EIF5B: variants seen among roughly 807,000 people sequenced by gnomAD.
EIF5B encodes the protein eukaryotic translation initiation factor 5B, also known as eIF-5B.
EIF5B carries 47 observed loss-of-function variants against 147.5 expected under a neutral mutation model. The ratio of observed to expected loss-of-function variants is 0.32; its 90% CI spans 0.25 to 0.41. EIF5B has a LOEUF of 0.41. EIF5B is among the 10% of genes least tolerant of loss of function. The probability of loss-of-function intolerance (pLI) is 1.00; values close to 1 mark genes in which losing one functional copy is unlikely to be tolerated. For synonymous variants in EIF5B, 455 were observed against 456.2 expected (o/e 1.00, Z 0.03); for missense variants, 1,064 against 1,413.2 (o/e 0.75, Z 3.96).
At chr2:99,394,610 G>T in intron 20 of EIF5B, 25 bp downstream of exon 20, 2 of 1,613,766 alleles carry the variant, frequency 1.2e-6, no homozygotes, top group Non-Finnish European at 1.7e-6. Flanking sequence ...TTGCTATGAA[G>T]GCTTTCATGT....
chr2:99,370,949 A>G, intron 8 of EIF5B, among the ~76,000 whole-genome samples: 1 of 152,224 alleles, frequency 6.6e-6, no homozygotes, highest in East Asian at 1.9e-4. Context: ...TTAAAAGCAA[A>G]ATAATAAATT....
intron 1 of EIF5B, among the ~76,000 whole-genome samples, chr2:99,351,500 G>GGGTC (rs1437564422): frequency 6.6e-6 from 1 of 152,100 alleles, no homozygotes; most frequent in Non-Finnish European, 1.5e-5. Context: ...TGGGATTGCT[G>GGGTC]GGTCGTATGG....
rs1320272466 is a variant in EIF5B, at chr2:99,398,814, G to T, written c.3460G>T (p.Gly1154Ter). The change falls in exon 23 of 24, where the codon GGA becomes TGA. Residue 1154 changes from glycine to a stop codon, truncating the protein, a stop_gained. Transcript: ENST00000289371. LOFTEE classifies it high-confidence loss of function. ...TAAACAAGTGGATGTTGCAAAAAAAGGACAAGAAGTTTGTGTAAAAATAGA... is the reference window on the plus strand; with the variant it reads ...TAAACAAGTGGATGTTGCAAAAAAATGACAAGAAGTTTGTGTAAAAATAGA... Reference protein sequence around the residue: ...NHKQVDVAKKGQEVCVKIEPI... With the variant: ...NHKQVDVAKK 1 of 1,614,052 alleles carries T rather than the reference G, an allele frequency of 6.2e-7. No individual in the cohort carries two copies.
Position 99,337,446 on chromosome 2 carries a change from G to T in EIF5B, c.-109G>T. ...CTGTGGAGAGCCGGGTGCGAGCGGC[G>T]GCAGCACGAGGGGAAAAGAGCTGAG... On this transcript the variant is annotated 5_prime_UTR_variant, in exon 1 of 24. Coordinates refer to ENST00000289371, the MANE Select transcript of EIF5B (RefSeq NM_015904.4). 1.4e-6 allele frequency: 2 copies of T among 1,413,728 alleles called. No homozygotes were observed. The highest frequency in any genetic ancestry group is 2.0e-6 in the Non-Finnish European group (2 of 1,021,616). The allele number at this position is 1,413,728 out of a possible 1,614,324, so 87.6% of individuals were successfully genotyped here. A position where few individuals can be genotyped will look rare whatever the true frequency, so the allele number is the denominator to read the frequency against.
At chr2:99,386,112 C>A (rs1388336624) in intron 14 of EIF5B, among the ~76,000 whole-genome samples, 1 of 152,122 alleles carries the variant, frequency 6.6e-6, no homozygotes, top group Non-Finnish European at 1.5e-5. Flanking sequence ...TGCACTTTAT[C>A]CATTTATCTG....
At chr2:99,385,910 G>A (rs553356505) in intron 14 of EIF5B, among the ~76,000 whole-genome samples, 2 of 152,190 alleles carry the variant, frequency 1.3e-5, no homozygotes, top group African/African-American at 4.8e-5. Context: ...AGCTAGTATT[G>A]ATCTTTCTGT....
intron 6 of EIF5B, 51 bp downstream of exon 6, chr2:99,364,472 G>T (rs1222959644): frequency 6.8e-7 from 1 of 1,474,060 alleles, no homozygotes; most frequent in South Asian, 1.5e-5. Flanking sequence ...TGCACATGCA[G>T]TTATATCCCT....
Position 99,401,246 on chromosome 2 carries a change from T to C in EIF5B, c.*1832T>C, listed in dbSNP as rs1294810159. On this transcript the variant is annotated 3_prime_UTR_variant, in exon 24 of 24. Coordinates refer to ENST00000289371, the MANE Select transcript of EIF5B (RefSeq NM_015904.4). The stretch of plus-strand genomic sequence containing the variant: ...ATCAGGCTCTCTGGTAATATTTATG[T>C]AACTTTTAATGTGCTTCCATAAGTT... 2 of 1,596,044 alleles carry C rather than the reference T, an allele frequency of 1.3e-6. No individual in the cohort carries two copies. Among genetic ancestry groups the C allele is most frequent in the Non-Finnish European group, 1.7e-6 (2 of 1,163,780 alleles).
At chr2:99,342,938 T>G (rs767435853) in intron 1 of EIF5B, among the ~76,000 whole-genome samples, 1 of 151,440 alleles carries the variant, frequency 6.6e-6, no homozygotes, top group Non-Finnish European at 1.5e-5. Flanking sequence ...CTGGCCTGGG[T>G]TGTCTTTTTC....
chr2:99,351,664 G>C (rs1673965336), intron 1 of EIF5B, among the ~76,000 whole-genome samples: 1 of 151,900 alleles, frequency 6.6e-6, no homozygotes, highest in Non-Finnish European at 1.5e-5. Flanking sequence ...ATTTCTAGTG[G>C]CTGTGTAGTG....
intron 1 of EIF5B, among the ~76,000 whole-genome samples, chr2:99,357,696 A>G (rs1404251406): frequency 6.6e-6 from 1 of 152,152 alleles, no homozygotes; most frequent in African/African-American, 2.4e-5. Flanking sequence ...ATTTTTGGAA[A>G]TGAGATGCCA....
At chr2:99,392,663 T>C (rs1314778739) in intron 17 of EIF5B, among the ~76,000 whole-genome samples, 1 of 152,220 alleles carries the variant, frequency 6.6e-6, no homozygotes, top group African/African-American at 2.4e-5. Context: ...CTTCGTGAGA[T>C]GTACATTTTT....
At chr2:99,352,937 C>A (rs1368757560) in intron 1 of EIF5B, among the ~76,000 whole-genome samples, 1 of 151,352 alleles carries the variant, frequency 6.6e-6, no homozygotes, top group Non-Finnish European at 1.5e-5. Context: ...ATCCTCTCAC[C>A]CTAGCCATTG....
intron 1 of EIF5B, among the ~76,000 whole-genome samples, chr2:99,352,985 GCTAATTTTTT>G (rs1674007021): frequency 7.7e-6 from 1 of 129,368 alleles, no homozygotes; most frequent in South Asian, 2.7e-4. Context: ...ACTATGCCTG[GCTAATTTTTT>G]CTTCTTCTTC....
intron 17 of EIF5B, among the ~76,000 whole-genome samples, chr2:99,392,251 T>C (rs1674952903): frequency 6.6e-6 from 1 of 152,048 alleles, no homozygotes; most frequent in Non-Finnish European, 1.5e-5. Context: ...ATTTTTGTAT[T>C]TTTAGTAGAG....
chr2:99,359,661 T>G (rs1225975773), intron 1 of EIF5B, among the ~76,000 whole-genome samples: 1 of 152,220 alleles, frequency 6.6e-6, no homozygotes, highest in East Asian at 1.9e-4. Flanking sequence ...TGGTTAAGTA[T>G]TTTATTTAGT....
rs1456800056 is a variant in EIF5B at position 99,355,494 on chromosome 2, A to ATATTTT, written c.36-4742_36-4741insTATTTT. On this transcript the variant is annotated intron_variant, in intron 1 of 23. Transcript: ENST00000289371. ...AGCATTTTGTAATTTTCCACATATA[A>ATATTTT]GTACTTTACATATTTTGTTAGATTT... Among the ~76,000 whole-genome samples the ATATTTT allele has an allele frequency of 2.2e-3, 336 of 152,052 alleles. 10 individuals are homozygous for ATATTTT. In the East Asian group the frequency reaches 0.058, roughly 26 times the overall value.
In EIF5B at chr2:99,363,682, G is replaced by A; in HGVS notation, c.957G>A (p.Lys319=). The part of the protein sequence containing the change: ...NEGDKKKKDK[K]KKKGEKEEKE... The stretch of plus-strand genomic sequence containing the variant: ...GAGACAAAAAGAAGAAAGATAAGAA[G>A]AAAAAGAAAGGAGAAAAGGAAGAAA... The change falls in exon 5 of 24, where the codon AAG becomes AAA. Residue 319 remains lysine, a synonymous_variant. Transcript: ENST00000289371. 1 of 1,590,222 alleles carries A rather than the reference G, an allele frequency of 6.3e-7. No homozygotes were observed. Among genetic ancestry groups the A allele is most frequent in the Non-Finnish European group, 8.5e-7 (1 of 1,173,880 alleles).
chr2:99,392,876 C>G, intron 17 of EIF5B, 91 bp from the exon 18 acceptor site: 1 of 1,194,130 alleles, frequency 8.4e-7, no homozygotes, highest in Non-Finnish European at 1.1e-6. Context: ...AGAAACCTCT[C>G]TCTAATATCA....
Sources: allele counts gnomAD v4.1 joint callset (sites outside exome capture counted in the v4.1 genomes callset), GRCh38; gene constraint gnomAD v4.1.1; transcripts MANE v1.5; gene names NCBI Gene and HGNC (gene_info 2026-07-23, HGNC 2026-07-21).